Variants in MEI4 observed in about 807,000 individuals in gnomAD.
MEI4 encodes the protein meiosis-specific protein MEI4.
In MEI4, 27 loss-of-function variants were observed where a neutral mutation model predicts 31.4. That is an observed-to-expected ratio of 0.86 (90% CI 0.63 to 1.19). The LOEUF is 1.19. MEI4 is among the 50% of genes most tolerant of loss of function. The pLI, the probability that MEI4 is intolerant of heterozygous loss-of-function variation, is 0.00. For missense variants in MEI4, 329 were observed against 398.9 expected (o/e 0.82, Z 1.49); for synonymous variants, 122 against 145.4 (o/e 0.84, Z 1.16).
In MEI4 at chr6:77,923,173, G is replaced by A. The variant is rs564775849; in HGVS notation, c.985G>A (p.Glu329Lys). Reference sequence around the variant, plus strand: ...GGAGCAGCTTCTTCAAAAGGAAACCGAAGAAGGCAACACTTCAAGTATAGG... The same window carrying A: ...GGAGCAGCTTCTTCAAAAGGAAACCAAAGAAGGCAACACTTCAAGTATAGG... ...VLEQLLQKET[E>K]EGNTSSIGHD... is the part of the protein sequence containing the mutation. Residue 329 changes from glutamate to lysine, a missense_variant, in exon 5 of 5, where the codon GAA becomes AAA. Coordinates refer to ENST00000684080, the MANE Select transcript of MEI4 (RefSeq NM_001322247.2). 55 of 1,230,562 alleles carry A rather than the reference G, an allele frequency of 4.5e-5. No homozygotes were observed. Among genetic ancestry groups the A allele is most frequent in the Admixed American group, 3.0e-4 (7 of 23,560 alleles). The allele number at this position is 1,230,562 out of a possible 1,614,324, so 76.2% of individuals were successfully genotyped here. A position where few individuals can be genotyped will look rare whatever the true frequency, so the allele number is the denominator to read the frequency against.
At chr6:77,695,528 C>T (rs1429494119) in intron 2 of MEI4, among the ~76,000 whole-genome samples, 4 of 152,174 alleles carry the variant, frequency 2.6e-5, no homozygotes, top group Non-Finnish European at 5.9e-5. Context: ...GGAATCCTTT[C>T]CCCAATGCTT....
At chr6:77,817,832 G>A (rs1769722998) in intron 3 of MEI4, among the ~76,000 whole-genome samples, 1 of 152,084 alleles carries the variant, frequency 6.6e-6, no homozygotes, top group African/African-American at 2.4e-5. Context: ...TAGGCAACAT[G>A]AGGCGAGAGA....
intron 1 of MEI4, among the ~76,000 whole-genome samples, chr6:77,679,385 A>C (rs1768908702): frequency 6.6e-6 from 1 of 150,966 alleles, no homozygotes; most frequent in Non-Finnish European, 1.5e-5. Flanking sequence ...ATATATTTAG[A>C]TACACAAATA....
intron 1 of MEI4, among the ~76,000 whole-genome samples, chr6:77,677,760 T>C (rs978152217): frequency 6.6e-6 from 1 of 152,228 alleles, no homozygotes; most frequent in African/African-American, 2.4e-5. Flanking sequence ...AAAATAAGTT[T>C]AGCAGAAAAA....
chr6:77,876,135 GTTTC>G (rs1169815554), intron 4 of MEI4, among the ~76,000 whole-genome samples: 4 of 152,128 alleles, frequency 2.6e-5, no homozygotes, highest in African/African-American at 7.2e-5. Context: ...ATGATAGATA[GTTTC>G]TTTATCTATA....
At chr6:77,795,602 A>G (rs747207723) in intron 3 of MEI4, among the ~76,000 whole-genome samples, 5 of 152,184 alleles carry the variant, frequency 3.3e-5, no homozygotes, top group Non-Finnish European at 5.9e-5. Context: ...GACATTACCA[A>G]TGACACCACA....
intron 3 of MEI4, among the ~76,000 whole-genome samples, chr6:77,810,029 G>A (rs1769538240): frequency 6.6e-6 from 1 of 152,132 alleles, no homozygotes; most frequent in African/African-American, 2.4e-5. Context: ...GACCTGTCAA[G>A]TATGAGACCT....
intron 3 of MEI4, among the ~76,000 whole-genome samples, chr6:77,791,261 G>C (rs1768920832): frequency 6.6e-6 from 1 of 152,130 alleles, no homozygotes; most frequent in Non-Finnish European, 1.5e-5. Flanking sequence ...ATTCACGATA[G>C]CAAAGACTTG....
chr6:77,882,732 C>G (rs1463141549), intron 4 of MEI4, among the ~76,000 whole-genome samples: 1 of 152,054 alleles, frequency 6.6e-6, no homozygotes, highest in Non-Finnish European at 1.5e-5. Context: ...CTGCAAATTA[C>G]CAGATGCTTG....
At chr6:77,778,730 T>TA (rs1021655130) in intron 3 of MEI4, among the ~76,000 whole-genome samples, 55 of 151,156 alleles carry the variant, frequency 3.6e-4, no homozygotes, top group African/African-American at 1.3e-3. Context: ...AATAAATAAA[T>TA]AAATAAATAA....
At chr6:77,832,683 A>G (rs1427284008) in intron 4 of MEI4, among the ~76,000 whole-genome samples, 2 of 152,114 alleles carry the variant, frequency 1.3e-5, no homozygotes, top group African/African-American at 2.4e-5. Flanking sequence ...TAGCCTGCCC[A>G]TAGTCATAGG....
At position 77,883,717 on chromosome 6, in the gene MEI4, G is replaced by GATATATATATATATATATATATATAT. The variant is rs570185624; in HGVS notation, c.901-39370_901-39345dup. 1.8e-3 allele frequency among the ~76,000 whole-genome samples: 76 copies of GATATATATATATATATATATATATAT among 43,286 alleles called. 2 individuals carry two copies. The highest frequency in any genetic ancestry group is 7.1e-3 in the East Asian group (5 of 704). The allele number at this position is 43,286 out of a possible 152,430, so 28.4% of individuals were successfully genotyped here. A position where few individuals can be genotyped will look rare whatever the true frequency, so the allele number is the denominator to read the frequency against. Reference sequence around the variant, plus strand: ...TATGCAATGAAATGCTATTATGTAAGATATATATATATATATATATATATA... The same window carrying GATATATATATATATATATATATATAT: ...TATGCAATGAAATGCTATTATGTAAGATATATATATATATATATATATATATATATATATATATATATATATATATA... On this transcript the variant is annotated intron_variant, in intron 4 of 4. Coordinates refer to ENST00000684080, the MANE Select transcript of MEI4 (RefSeq NM_001322247.2).
chr6:77,674,018 A>T (rs1258074014), intron 1 of MEI4, among the ~76,000 whole-genome samples: 1 of 152,196 alleles, frequency 6.6e-6, no homozygotes, highest in Non-Finnish European at 1.5e-5. Context: ...GGTCTTCTAT[A>T]TATGTGGAAG....
intron 1 of MEI4, among the ~76,000 whole-genome samples, chr6:77,678,402 G>T (rs1330896862): frequency 6.6e-6 from 1 of 152,128 alleles, no homozygotes; most frequent in Non-Finnish European, 1.5e-5. Flanking sequence ...GTTCTGATTG[G>T]TAGGTGAAGC....
At chr6:77,730,512 C>G (rs1011186361) in intron 2 of MEI4, among the ~76,000 whole-genome samples, 7 of 152,024 alleles carry the variant, frequency 4.6e-5, no homozygotes, top group African/African-American at 1.4e-4. Flanking sequence ...TTATCAGCTC[C>G]CAGTTTTTCC....
At chr6:77,858,224 A>ATG (rs1770786656) in intron 4 of MEI4, among the ~76,000 whole-genome samples, 2 of 152,172 alleles carry the variant, frequency 1.3e-5, no homozygotes, top group South Asian at 4.1e-4. Context: ...TTCCATTGCT[A>ATG]TGTTGTTTGT....
At chr6:77,757,329 T>A (rs1767941141) in intron 2 of MEI4, among the ~76,000 whole-genome samples, 1 of 152,238 alleles carries the variant, frequency 6.6e-6, no homozygotes, top group Admixed American at 6.5e-5. Flanking sequence ...AAAGCATTCC[T>A]TTAGAGCACT....
chr6:77,748,337 C>T (rs115022718), intron 2 of MEI4, among the ~76,000 whole-genome samples: 1 of 152,322 alleles, frequency 6.6e-6, no homozygotes, highest in African/African-American at 2.4e-5. Flanking sequence ...CAGTGGTTTC[C>T]AAACCTTAAC....
chr6:77,697,652 T>A (rs1336420661), intron 2 of MEI4, among the ~76,000 whole-genome samples: 1 of 152,160 alleles, frequency 6.6e-6, no homozygotes, highest in Non-Finnish European at 1.5e-5. Flanking sequence ...TAATTTCTGA[T>A]CTTTTACATT....
Sources: allele counts gnomAD v4.1 joint callset (sites outside exome capture counted in the v4.1 genomes callset), GRCh38; gene constraint gnomAD v4.1.1; transcripts MANE v1.5; gene names NCBI Gene and HGNC (gene_info 2026-07-23, HGNC 2026-07-21).